The following ITGA3 variants were observed in gnomAD, a reference collection of about 807,000 sequenced individuals.
The protein encoded by ITGA3 is integrin subunit alpha 3, also known as integrin alpha-3.
A neutral mutation model predicts 131.1 loss-of-function variants in ITGA3; 70 were observed. The ratio of observed to expected loss-of-function variants is 0.53; its 90% CI spans 0.44 to 0.65. The LOEUF is 0.65. Among genes scored for constraint, ITGA3 ranks in the 30% least tolerant of loss-of-function variants. The pLI is 0.00. For missense variants in ITGA3, 1,098 were observed against 1,388.6 expected, an observed-to-expected ratio of 0.79 and a Z score of 3.33; for synonymous variants, 537 against 571.6, an observed-to-expected ratio of 0.94 and a Z score of 0.86.
intron 10 of ITGA3, among the ~76,000 whole-genome samples, chr17:50,075,022 G>T (rs745935575): frequency 6.6e-6 from 1 of 152,226 alleles, no homozygotes; most frequent in African/African-American, 2.4e-5. Flanking sequence ...AAAAATGTTA[G>T]TTGCTAAGAA....
rs1346733216 is a variant in ITGA3 at position 50,068,085 on chromosome 17, G to A, written c.444G>A (p.Leu148=). Residue 148 remains leucine (L), a synonymous_variant, in exon 4 of 26, where the codon CTG becomes CTA. Coordinates refer to ENST00000320031, the MANE Select transcript of ITGA3 (RefSeq NM_002204.4). ...GTGCCCACCGCTACACCCAGGTGCTGTGGTCAGGGTCAGAAGACCAGCGGC... is the reference window on the plus strand; with the variant it reads ...GTGCCCACCGCTACACCCAGGTGCTATGGTCAGGGTCAGAAGACCAGCGGC... ...LVCAHRYTQV[L]WSGSEDQRRM... is the part of the protein sequence containing the mutation. The A allele has an allele frequency of 6.2e-7, 1 of 1,614,140 alleles. No homozygotes were observed.
intron 23 of ITGA3, among the ~76,000 whole-genome samples, chr17:50,082,837 G>A (rs1909243431): frequency 6.6e-6 from 1 of 151,062 alleles, no homozygotes; most frequent in Admixed American, 6.6e-5. Flanking sequence ...AGTCAATATT[G>A]TATTATCAAG....
At chr17:50,076,821 G>A (rs1403031853) in intron 14 of ITGA3, 140 bp downstream of exon 14, 1 of 1,171,104 alleles carries the variant, frequency 8.5e-7, no homozygotes, top group Non-Finnish European at 1.2e-6. Context: ...GGTCAGAAAC[G>A]GGGCTTTCTC....
rs770163150 is a variant in ITGA3 at position 50,074,475 on chromosome 17, C to G, written c.1410C>G (p.His470Gln). The change falls in exon 10 of 26, where the codon CAC (histidine) becomes CAG (glutamine). Residue 470 changes from histidine to glutamine, a missense_variant. By Grantham distance (24) the His-to-Gln change is conservative. Transcript: ENST00000320031. ...LRARPVINIV[H>Q]KTLVPRPAVL... Reference sequence around the variant, plus strand: ...CCCGGCCCGTCATCAACATCGTCCACAAGACCTTGGTGCCCAGGCCAGCTG... The same window carrying G: ...CCCGGCCCGTCATCAACATCGTCCAGAAGACCTTGGTGCCCAGGCCAGCTG... 1.2e-6 allele frequency: 2 copies of G among 1,614,150 alleles called. No individual in the cohort carries two copies. The highest frequency in any genetic ancestry group is 1.7e-6 in the Non-Finnish European group (2 of 1,180,024).
intron 3 of ITGA3, among the ~76,000 whole-genome samples, chr17:50,067,073 A>G (rs950823100): frequency 2.0e-5 from 3 of 152,156 alleles, no homozygotes; most frequent in Non-Finnish European, 2.9e-5. Context: ...GTGATTCTGC[A>G]CCCTGGATCC....
chr17:50,079,325 C>G (rs1349648020), intron 20 of ITGA3, 67 bp downstream of exon 20: 1 of 1,572,700 alleles, frequency 6.4e-7, no homozygotes, highest in African/African-American at 1.3e-5. Context: ...TCTTCCCCTC[C>G]CTCCCCTCAT....
In ITGA3 at chr17:50,056,700, T is replaced by G; in HGVS notation, c.206+55T>G. 1 of 1,527,852 alleles carries G rather than the reference T, an allele frequency of 6.5e-7. No homozygotes were observed. Among genetic ancestry groups the G allele is most frequent in the Non-Finnish European group, 8.9e-7 (1 of 1,129,746 alleles). The allele number at this position is 1,527,852 out of a possible 1,614,324, so 94.6% of individuals were successfully genotyped here. ...AGCGAGAGAGTGTGCGAGCGCGGGA[T>G]GCGGGTCCGGAGCTGAGTCGGAGCC... On this transcript the variant is annotated intron_variant, in intron 1 of 25. Transcript: ENST00000320031. This position sits in a 1 kb window ranked among gnomAD's most constrained non-coding sequence, Gnocchi z 5.6.
At chr17:50,079,765 C>T (rs992021623) in intron 21 of ITGA3, among the ~76,000 whole-genome samples, 1 of 152,194 alleles carries the variant, frequency 6.6e-6, no homozygotes, top group African/African-American at 2.4e-5. Flanking sequence ...GACAAGGGAC[C>T]AAAGGAGGAG....
At chr17:50,073,423 C>T (rs367775358) in intron 7 of ITGA3, among the ~76,000 whole-genome samples, 7 of 152,054 alleles carry the variant, frequency 4.6e-5, no homozygotes, top group African/African-American at 1.7e-4. Flanking sequence ...CACCCCACAG[C>T]ACTCTCGTGA....
chr17:50,080,069 C>T (rs1177814734), intron 21 of ITGA3, among the ~76,000 whole-genome samples, 193 bp from the exon 22 acceptor site: 1 of 152,190 alleles, frequency 6.6e-6, no homozygotes, highest in Non-Finnish European at 1.5e-5. Context: ...ATTATATGAG[C>T]TTGGCCCAAA....
rs780784467 is a variant in ITGA3, at chr17:50,064,113, C to T, written c.243C>T (p.Pro81=). Residue 81 remains proline, a synonymous_variant, in exon 2 of 26, where the codon CCC becomes CCT. Transcript: ENST00000320031. The surrounding 1 kb of genome is among the most constrained non-coding windows in gnomAD (Gnocchi z 4.4). The part of the protein sequence containing the change: ...LAGAPRELAV[P]DGYTNRTGAV... Reference sequence around the variant, plus strand: ...GTGCCCCCCGGGAGCTCGCTGTGCCCGATGGCTACACCAACCGGACTGGTG... The same window carrying T: ...GTGCCCCCCGGGAGCTCGCTGTGCCTGATGGCTACACCAACCGGACTGGTG... 28 of 1,612,550 alleles carry T rather than the reference C, an allele frequency of 1.7e-5. No homozygotes were observed. The highest frequency in any genetic ancestry group is 1.7e-4 in the Middle Eastern group (1 of 5,976).
chr17:50,074,627 C>T (rs1175988762), intron 10 of ITGA3, 93 bp downstream of exon 10: 5 of 850,654 alleles, frequency 5.9e-6, no homozygotes, highest in Non-Finnish European at 9.5e-6. Context: ...CTCCTGACAT[C>T]CCACCTTTAG....
At chr17:50,078,968 A>G (rs1257915567) in intron 19 of ITGA3, 42 bp downstream of exon 19, 3 of 1,529,010 alleles carry the variant, frequency 2.0e-6, no homozygotes, top group Non-Finnish European at 2.7e-6. Flanking sequence ...ACTTCTAGGA[A>G]GGATTATTTT....
chr17:50,076,749 G>C (rs889848796), intron 14 of ITGA3, 68 bp downstream of exon 14: 31 of 1,390,252 alleles, frequency 2.2e-5, no homozygotes, highest in Middle Eastern at 1.8e-4. Flanking sequence ...CTGGCAGGGT[G>C]GGGGCGGGGC....
intron 7 of ITGA3, among the ~76,000 whole-genome samples, 190 bp downstream of exon 7, chr17:50,072,372 C>G (rs180725800): frequency 2.2e-4 from 34 of 152,294 alleles, no homozygotes; most frequent in African/African-American, 8.2e-4. Flanking sequence ...AGCACAGAGG[C>G]AAGCTCAGTG....
chr17:50,080,420 G>C (rs754820310), intron 22 of ITGA3, 45 bp downstream of exon 22: 4 of 1,211,446 alleles, frequency 3.3e-6, no homozygotes, highest in South Asian at 1.3e-5. Context: ...CCACCCTGAG[G>C]GGGAGAACAA....
intron 10 of ITGA3, 109 bp from the exon 11 acceptor site, chr17:50,075,350 C>T (rs950067787): frequency 8.8e-7 from 1 of 1,134,962 alleles, no homozygotes; most frequent in Non-Finnish European, 1.3e-6. Context: ...TTGTCCCTGC[C>T]TCTCTCCAGA....
chr17:50,088,424 C>A, intron 25 of ITGA3, 58 bp downstream of exon 25: 1 of 851,624 alleles, frequency 1.2e-6, no homozygotes, highest in Non-Finnish European at 1.9e-6. Context: ...GCCTCTGACT[C>A]TGTCCTATCT....
At chr17:50,088,391 C>A in intron 25 of ITGA3, 25 bp downstream of exon 25, 1 of 1,295,464 alleles carries the variant, frequency 7.7e-7, no homozygotes, top group East Asian at 2.5e-5. Flanking sequence ...GGGCCCCCTT[C>A]CCCGAGCCCC....
Sources: allele counts gnomAD v4.1 joint callset (sites outside exome capture counted in the v4.1 genomes callset), GRCh38; gene constraint gnomAD v4.1.1; non-coding constraint Gnocchi (gnomAD v3.1); transcripts MANE v1.5; gene names NCBI Gene and HGNC (gene_info 2026-07-23, HGNC 2026-07-21).